The following PDE4D variants were observed in gnomAD, a reference collection of about 807,000 sequenced individuals.
PDE4D encodes the protein phosphodiesterase 4D, also known as 3',5'-cyclic-AMP phosphodiesterase 4D.
Under a neutral mutation model 87.4 loss-of-function variants are expected in PDE4D, and 24 were observed. That is an observed-to-expected ratio of 0.27 (90% CI 0.20 to 0.39). PDE4D has a LOEUF of 0.39. PDE4D is among the 10% of genes least tolerant of loss of function. The probability of loss-of-function intolerance (pLI) is 1.00; values close to 1 mark genes in which losing one functional copy is unlikely to be tolerated. For synonymous variants in PDE4D, 384 were observed against 383.2 expected (o/e 1.00, Z -0.02); for missense variants, 714 against 1,041.0 (o/e 0.69, Z 4.32).
At chr5:59,999,506 AAAG>A (rs1489682422) in intron 2 of PDE4D, among the ~76,000 whole-genome samples, 2 of 148,698 alleles carry the variant, frequency 1.3e-5, no homozygotes, top group African/African-American at 2.5e-5. Flanking sequence ...ACACAAATTC[AAAG>A]AAGATGTATC....
intron 1 of PDE4D, among the ~76,000 whole-genome samples, chr5:60,325,568 C>T (rs1206527960): frequency 6.6e-6 from 1 of 152,136 alleles, no homozygotes; most frequent in Non-Finnish European, 1.5e-5. Flanking sequence ...CTAAGAGAAA[C>T]TACATAGAAC....
intron 1 of PDE4D, among the ~76,000 whole-genome samples, chr5:59,777,525 A>C (rs562400071): frequency 6.6e-6 from 1 of 152,310 alleles, no homozygotes; most frequent in East Asian, 1.9e-4. Flanking sequence ...CCATGCTAAC[A>C]TAAAGATTCT....
chr5:60,337,867 G>C (rs985671313), intron 1 of PDE4D, among the ~76,000 whole-genome samples: 2 of 151,844 alleles, frequency 1.3e-5, no homozygotes, highest in Non-Finnish European at 2.9e-5. Context: ...GATGAAAATA[G>C]AGTTCCTACC....
At chr5:60,189,560 A>G (rs1785045161) in intron 1 of PDE4D, among the ~76,000 whole-genome samples, 1 of 152,232 alleles carries the variant, frequency 6.6e-6, no homozygotes, top group Admixed American at 6.5e-5. Flanking sequence ...GTATTGAAAC[A>G]GCAAATGTCC....
At chr5:60,083,444 T>A (rs1465451250) in intron 2 of PDE4D, among the ~76,000 whole-genome samples, 5 of 152,212 alleles carry the variant, frequency 3.3e-5, no homozygotes, top group African/African-American at 1.2e-4. Context: ...CCACTCACGA[T>A]TTTAATAATG....
In PDE4D at chr5:59,331,150, A is replaced by G. The variant is rs77499264; in HGVS notation, c.456-115182T>C. 4.8e-3 allele frequency among the ~76,000 whole-genome samples: 738 copies of G among 152,284 alleles called. 4 individuals carry two copies. Among genetic ancestry groups the G allele is most frequent in the African/African-American group, 0.017 (716 of 41,556 alleles). On this transcript the variant is annotated intron_variant, in intron 1 of 14. Coordinates refer to ENST00000340635, the MANE Select transcript of PDE4D (RefSeq NM_001104631.2). ...TTTCCCCTCCATGAATTTAGTTTAT[A>G]ATATTATTTCTTAAAATACAAATAA...
Position 59,775,996 on chromosome 5 carries a change from A to G in PDE4D, c.455+117172T>C, listed in dbSNP as rs1352329631. 5.3e-5 allele frequency among the ~76,000 whole-genome samples: 8 copies of G among 152,310 alleles called. No homozygotes were observed. The East Asian group carries it at 1.5e-3, about 29-fold the overall frequency. On this transcript the variant is annotated intron_variant, in intron 1 of 14. Transcript: ENST00000340635. The stretch of plus-strand genomic sequence containing the variant: ...GAATATGGTTTCTATGAGACAGTGT[A>G]TTTCACTGAACATGTCTATAATTCA...
intron 1 of PDE4D, among the ~76,000 whole-genome samples, chr5:59,425,850 A>G (rs932876549): frequency 6.6e-6 from 1 of 152,188 alleles, no homozygotes; most frequent in Non-Finnish European, 1.5e-5. Flanking sequence ...CACAATCATT[A>G]TTAGTAAATC....
intron 1 of PDE4D, among the ~76,000 whole-genome samples, chr5:59,734,035 A>T (rs374426841): frequency 4.6e-5 from 7 of 152,110 alleles, no homozygotes; most frequent in African/African-American, 1.4e-4. Flanking sequence ...AATGAAATAG[A>T]TTATCAGAAT....
chr5:59,439,875 T>C (rs1268991991), intron 1 of PDE4D, among the ~76,000 whole-genome samples: 2 of 152,178 alleles, frequency 1.3e-5, no homozygotes. Context: ...GGTGCAGGCA[T>C]GGGCAGTGGT....
intron 2 of PDE4D, among the ~76,000 whole-genome samples, chr5:60,073,646 T>C (rs1369570496): frequency 6.6e-6 from 1 of 152,096 alleles, no homozygotes; most frequent in Non-Finnish European, 1.5e-5. Context: ...TGAATGGTCC[T>C]GGACTTCTTT....
At chr5:60,386,375 A>G (rs1433885898) in intron 1 of PDE4D, among the ~76,000 whole-genome samples, 1 of 152,234 alleles carries the variant, frequency 6.6e-6, no homozygotes, top group Non-Finnish European at 1.5e-5. Flanking sequence ...TGGATTTAAT[A>G]CATTCATGGA....
chr5:59,594,656 C>T (rs1482725520), intron 1 of PDE4D, among the ~76,000 whole-genome samples: 8 of 152,024 alleles, frequency 5.3e-5, no homozygotes, highest in Non-Finnish European at 1.2e-4. Flanking sequence ...TACAGGAGTT[C>T]CTTTTATCCA....
chr5:60,020,894 C>T (rs1035403626), intron 2 of PDE4D, among the ~76,000 whole-genome samples: 1 of 152,176 alleles, frequency 6.6e-6, no homozygotes, highest in Non-Finnish European at 1.5e-5. Context: ...TAGACATAAG[C>T]TTAATCTTGT....
At position 59,625,282 on chromosome 5, in the gene PDE4D, AG is replaced by A. The variant is rs1012165766; in HGVS notation, c.455+267885del. On this transcript the variant is annotated intron_variant, in intron 1 of 14. Coordinates refer to ENST00000340635, the MANE Select transcript of PDE4D (RefSeq NM_001104631.2). ...CCAAGAGTGGCCTCTAGAAGGTCAC[AG>A]GGGGCTACAGCCAACAGCTAGCAAA... Among the ~76,000 whole-genome samples the A allele has an allele frequency of 4.7e-4, 71 of 152,220 alleles. 1 individual carries two copies. Among genetic ancestry groups the A allele is most frequent in the African/African-American group, 1.7e-3 (70 of 41,460 alleles).
At chr5:59,616,244 G>C (rs1166399095) in intron 1 of PDE4D, among the ~76,000 whole-genome samples, 2 of 151,698 alleles carry the variant, frequency 1.3e-5, no homozygotes, top group Non-Finnish European at 2.9e-5. Context: ...TTCCAAACAT[G>C]CTGGCTTTTT....
intron 2 of PDE4D, among the ~76,000 whole-genome samples, chr5:60,071,925 A>AT (rs1772763462): frequency 6.6e-6 from 1 of 152,192 alleles, no homozygotes; most frequent in African/African-American, 2.4e-5. Flanking sequence ...TACCATTGAT[A>AT]GGCATTTAGA....
At chr5:60,277,033 T>A (rs1358040658) in intron 1 of PDE4D, among the ~76,000 whole-genome samples, 1 of 152,030 alleles carries the variant, frequency 6.6e-6, no homozygotes, top group African/African-American at 2.4e-5. Context: ...TTTAAGTTTC[T>A]TCTGTTTGTT....
intron 1 of PDE4D, among the ~76,000 whole-genome samples, chr5:59,822,498 G>A (rs1252882933): frequency 6.6e-6 from 1 of 152,190 alleles, no homozygotes; most frequent in Middle Eastern, 3.4e-3. Context: ...TTAAACCAAT[G>A]TAATATCTTA....
Sources: allele counts gnomAD v4.1 joint callset (sites outside exome capture counted in the v4.1 genomes callset), GRCh38; gene constraint gnomAD v4.1.1; transcripts MANE v1.5; gene names NCBI Gene and HGNC (gene_info 2026-07-23, HGNC 2026-07-21).